Variants in CFTR observed in about 807,000 individuals in gnomAD.
CFTR encodes CF transmembrane conductance regulator.
In CFTR, 181 loss-of-function variants were observed where a neutral mutation model predicts 171.6. That is an observed-to-expected ratio of 1.05 (90% CI 0.93 to 1.19). The LOEUF (loss-of-function observed/expected upper bound fraction) is 1.19, where lower values mean the gene tolerates loss of function less well. Among genes scored for constraint, CFTR ranks in the 50% most tolerant of loss-of-function variants. The probability of loss-of-function intolerance (pLI) is 0.00; values close to 1 mark genes in which losing one functional copy is unlikely to be tolerated. For missense variants in CFTR, 1,968 were observed against 1,734.7 expected, an observed-to-expected ratio of 1.13 and a Z score of -2.39; for synonymous variants, 583 against 608.0, an observed-to-expected ratio of 0.96 and a Z score of 0.60.
intron 21 of CFTR, among the ~76,000 whole-genome samples, chr7:117,626,889 A>G (rs920336656): frequency 2.0e-5 from 3 of 152,106 alleles, no homozygotes; most frequent in Admixed American, 6.6e-5. Context: ...TATAAAGCAG[A>G]TAAATATTTA....
intron 10 of CFTR, among the ~76,000 whole-genome samples, chr7:117,552,719 A>G (rs2115916327): frequency 6.6e-6 from 1 of 152,118 alleles, no homozygotes; most frequent in East Asian, 1.9e-4. Flanking sequence ...TATATAATCA[A>G]TATACATTTT....
At chr7:117,613,412 T>G (rs915540686) in intron 20 of CFTR, among the ~76,000 whole-genome samples, 1 of 152,178 alleles carries the variant, frequency 6.6e-6, no homozygotes, top group African/African-American at 2.4e-5. Flanking sequence ...TCTTCAGCTG[T>G]GTTAACTTGC....
chr7:117,540,022 C>A (rs1219413918), intron 7 of CFTR, 78 bp from the exon 8 acceptor site: 5 of 1,225,664 alleles, frequency 4.1e-6, no homozygotes, highest in South Asian at 1.3e-5. Context: ...AGACCATGCT[C>A]AGATCTTCCA....
chr7:117,637,017 A>G (rs779316423), intron 22 of CFTR, among the ~76,000 whole-genome samples: 7 of 151,960 alleles, frequency 4.6e-5, no homozygotes, highest in Non-Finnish European at 1.0e-4. Context: ...GGGTTTTATC[A>G]TGTTGGCCAG....
At chr7:117,506,342 G>T (rs1027705338) in intron 2 of CFTR, among the ~76,000 whole-genome samples, 1 of 152,220 alleles carries the variant, frequency 6.6e-6, no homozygotes, top group South Asian at 2.1e-4. Context: ...CGTCTCCTGG[G>T]TTCAAGTGAT....
intron 3 of CFTR, among the ~76,000 whole-genome samples, chr7:117,529,513 TAAAAA>T (rs61443875): frequency 6.7e-5 from 8 of 119,984 alleles, no homozygotes; most frequent in Admixed American, 2.6e-4. Context: ...ACTTAGAGTA[TAAAAA>T]AAAAAAAAAA....
chr7:117,602,429 G>A (rs986902950), intron 15 of CFTR, among the ~76,000 whole-genome samples: 3 of 152,112 alleles, frequency 2.0e-5, no homozygotes, highest in African/African-American at 7.2e-5. Flanking sequence ...TCATTGAATG[G>A]CTAATAAAAT....
chr7:117,639,845 A>G (rs965252763), intron 22 of CFTR, among the ~76,000 whole-genome samples: 1 of 152,182 alleles, frequency 6.6e-6, no homozygotes, highest in African/African-American at 2.4e-5. Flanking sequence ...AAAAGATTCA[A>G]TTATAATCAC....
chr7:117,535,360 T>C lies in CFTR; in HGVS notation c.692T>C (p.Ile231Thr). ...GCCTTCTGTGGACTTGGTTTCCTGA[T>C]AGTCCTTGCCCTTTTTCAGGCTGGG... ...ASAFCGLGFL[I>T]VLALFQAGLG... Residue 231 changes from isoleucine to threonine, a missense_variant, in exon 6 of 27, where the codon ATA becomes ACA. By Grantham distance (89) the Ile-to-Thr change is moderately conservative (BLOSUM62 -1). Transcript: ENST00000003084. 1 of 1,614,074 alleles carries C rather than the reference T, an allele frequency of 6.2e-7. No individual in the cohort carries two copies.
chr7:117,505,385 G>A (rs1253336990), intron 2 of CFTR, among the ~76,000 whole-genome samples: 1 of 152,130 alleles, frequency 6.6e-6, no homozygotes, highest in Non-Finnish European at 1.5e-5. Flanking sequence ...ATTGGCTCAT[G>A]AAGCCTGAAC....
intron 26 of CFTR, 42 bp downstream of exon 26, chr7:117,665,606 A>G (rs1052891785): frequency 5.9e-6 from 7 of 1,180,254 alleles, no homozygotes; most frequent in Non-Finnish European, 8.9e-6. Flanking sequence ...TTGCCCTTGT[A>G]ATTCTTGATA....
chr7:117,505,932 A>C (rs1798408637), intron 2 of CFTR, among the ~76,000 whole-genome samples: 1 of 152,180 alleles, frequency 6.6e-6, no homozygotes, highest in African/African-American at 2.4e-5. Context: ...ATCAAGGGCC[A>C]GCTTCTATTA....
chr7:117,613,113 C>CTAA (rs1792431105), intron 20 of CFTR, among the ~76,000 whole-genome samples: 1 of 152,080 alleles, frequency 6.6e-6, no homozygotes, highest in African/African-American at 2.4e-5. Flanking sequence ...GGCAAATGTA[C>CTAA]TAATCCTCAT....
intron 24 of CFTR, among the ~76,000 whole-genome samples, chr7:117,655,314 C>T (rs1332662664): frequency 6.6e-6 from 1 of 152,190 alleles, no homozygotes; most frequent in Non-Finnish European, 1.5e-5. Flanking sequence ...AATTTCATTG[C>T]TTTCAAGTTC....
At position 117,587,314 on chromosome 7, in the gene CFTR, T is replaced by A. The variant is rs1400870087; in HGVS notation, c.1585-425T>A. Among the ~76,000 whole-genome samples, 3 of 152,280 alleles carry A rather than the reference T, an allele frequency of 2.0e-5. No homozygotes were observed. In the East Asian group the frequency reaches 5.8e-4, roughly 29 times the overall value. On this transcript the variant is annotated intron_variant, in intron 11 of 26. Coordinates refer to ENST00000003084, the MANE Select transcript of CFTR (RefSeq NM_000492.4). Reference sequence around the variant, plus strand: ...GTGAATAATGTTCTTTTAGTTTCTCTTCTTAGGAGGTTTGTTCATTTTGGG... The same window carrying A: ...GTGAATAATGTTCTTTTAGTTTCTCATCTTAGGAGGTTTGTTCATTTTGGG...
chr7:117,642,074 C>A (rs1792923182), intron 22 of CFTR, among the ~76,000 whole-genome samples: 1 of 152,150 alleles, frequency 6.6e-6, no homozygotes, highest in Admixed American at 6.6e-5. Flanking sequence ...CAGGTCTCTG[C>A]TTCTGGCTTG....
intron 21 of CFTR, among the ~76,000 whole-genome samples, chr7:117,619,369 A>G (rs1212713453): frequency 6.6e-6 from 1 of 152,238 alleles, no homozygotes; most frequent in Non-Finnish European, 1.5e-5. Flanking sequence ...AAAATGAACC[A>G]TACCAAGCCA....
Position 117,603,791 on chromosome 7 carries a change from C to G in CFTR, c.2908+9C>G. ...CAACACGTTGAAAGCAGGTACTTTA[C>G]TAGGTCTAAGAAATGAAACTGCTGA... On this transcript the variant is annotated intron_variant, in intron 17 of 26. Coordinates refer to ENST00000003084, the MANE Select transcript of CFTR (RefSeq NM_000492.4). 6.2e-7 allele frequency: 1 copy of G among 1,613,240 alleles called. No homozygotes were observed. The highest frequency in any genetic ancestry group is 1.1e-5 in the South Asian group (1 of 91,066).
Position 117,480,078 on chromosome 7 carries a change from C to G in CFTR, c.-17C>G. ...AGCCCAGACGGCCCTAGCAGGGACC[C>G]CAGCGCCCGAGAGACCATGCAGAGG... On this transcript the variant is annotated 5_prime_UTR_variant, in exon 1 of 27. Transcript: ENST00000003084. The G allele has an allele frequency of 5.0e-6, 8 of 1,613,756 alleles. No homozygotes were observed. The highest frequency in any genetic ancestry group is 6.8e-6 in the Non-Finnish European group (8 of 1,179,868).
Sources: allele counts gnomAD v4.1 joint callset (sites outside exome capture counted in the v4.1 genomes callset), GRCh38; gene constraint gnomAD v4.1.1; transcripts MANE v1.5; gene names NCBI Gene and HGNC (gene_info 2026-07-23, HGNC 2026-07-21).